The following ELL2 variants were observed in gnomAD, a reference collection of about 807,000 sequenced individuals.
ELL2 encodes RNA polymerase II elongation factor ELL2.
A neutral mutation model predicts 72.8 loss-of-function variants in ELL2; 21 were observed. The ratio of observed to expected loss-of-function variants is 0.29; its 90% CI spans 0.20 to 0.42. ELL2 has a LOEUF of 0.42. Ranked by LOEUF, ELL2 falls within the 10% of genes least tolerant of loss-of-function variation. The pLI is 1.00. For missense variants in ELL2, 568 were observed against 772.8 expected (o/e 0.73, Z 3.14); for synonymous variants, 266 against 283.2 (o/e 0.94, Z 0.61).
intron 2 of ELL2, among the ~76,000 whole-genome samples, chr5:95,936,207 G>A (rs1344692115): frequency 2.0e-5 from 3 of 152,210 alleles, no homozygotes; most frequent in Non-Finnish European, 4.4e-5. Flanking sequence ...ATTTGTAAAT[G>A]TATTTGAAGG....
intron 3 of ELL2, among the ~76,000 whole-genome samples, chr5:95,914,245 T>C (rs1001457342): frequency 4.6e-5 from 7 of 152,172 alleles, no homozygotes; most frequent in African/African-American, 1.7e-4. Flanking sequence ...TTTATTTAAC[T>C]GTTAACTATT....
intron 8 of ELL2, among the ~76,000 whole-genome samples, chr5:95,896,118 C>T (rs1004415759): frequency 3.3e-5 from 5 of 152,268 alleles, no homozygotes; most frequent in East Asian, 1.9e-4. Flanking sequence ...GTCAGGTAGC[C>T]GACTGCTTTG....
intron 2 of ELL2, among the ~76,000 whole-genome samples, chr5:95,938,312 A>G (rs1157916222): frequency 1.3e-5 from 2 of 152,190 alleles, no homozygotes; most frequent in Non-Finnish European, 2.9e-5. Flanking sequence ...TTGGCTGGCT[A>G]TTCCTTGTTC....
chr5:95,954,094 C>T (rs1751524994), intron 1 of ELL2, among the ~76,000 whole-genome samples: 1 of 152,100 alleles, frequency 6.6e-6, no homozygotes, highest in Non-Finnish European at 1.5e-5. Flanking sequence ...AATTTCCATC[C>T]AAATAAAACA....
intron 1 of ELL2, among the ~76,000 whole-genome samples, chr5:95,950,904 GTATATATATATA>G (rs869036736): frequency 0.02 from 932 of 46,578 alleles, 25 homozygotes; most frequent in East Asian, 0.044. Context: ...GTATGTATGT[GTATATATATATA>G]TATATATATA....
chr5:95,956,509 G>A (rs922757918), intron 1 of ELL2, among the ~76,000 whole-genome samples: 9 of 152,228 alleles, frequency 5.9e-5, no homozygotes, highest in Non-Finnish European at 1.2e-4. Context: ...AGTGGTGGCA[G>A]TGCTGTGCTG....
chr5:95,900,648 C>T (rs1749098575), intron 7 of ELL2, 45 bp downstream of exon 7: 3 of 1,383,216 alleles, frequency 2.2e-6, no homozygotes, highest in African/African-American at 2.9e-5. Context: ...GATTAGAGGC[C>T]CCTAATATCT....
At chr5:95,921,723 T>C (rs1750096337) in intron 2 of ELL2, among the ~76,000 whole-genome samples, 1 of 152,196 alleles carries the variant, frequency 6.6e-6, no homozygotes, top group Non-Finnish European at 1.5e-5. Context: ...TCTGCTTTTG[T>C]TTCTCTGGGA....
At chr5:95,926,703 T>G (rs1750294024) in intron 2 of ELL2, among the ~76,000 whole-genome samples, 2 of 152,222 alleles carry the variant, frequency 1.3e-5, no homozygotes, top group Non-Finnish European at 2.9e-5. Context: ...ATTTCTCTTA[T>G]TTCTGTAGGA....
At chr5:95,941,202 CCCATT>C (rs1258820749) in intron 2 of ELL2, among the ~76,000 whole-genome samples, 1 of 152,128 alleles carries the variant, frequency 6.6e-6, no homozygotes, top group African/African-American at 2.4e-5. Flanking sequence ...AATTCAAACA[CCCATT>C]AAGATTTAAA....
At chr5:95,895,953 C>T (rs1748859070) in intron 8 of ELL2, among the ~76,000 whole-genome samples, 1 of 152,184 alleles carries the variant, frequency 6.6e-6, no homozygotes, top group South Asian at 2.1e-4. Flanking sequence ...CCATCTTAAC[C>T]CAAGGTCAGT....
chr5:95,895,500 T>C (rs1748831707), intron 9 of ELL2, 128 bp downstream of exon 9: 3 of 810,870 alleles, frequency 3.7e-6, no homozygotes, highest in Non-Finnish European at 6.0e-6. Flanking sequence ...AGCCTTTCAA[T>C]TGCAAGGGTG....
chr5:95,940,389 C>T (rs1750928066), intron 2 of ELL2, among the ~76,000 whole-genome samples: 2 of 152,158 alleles, frequency 1.3e-5, no homozygotes, highest in Admixed American at 1.3e-4. Flanking sequence ...AGCAAATATG[C>T]TTAAAAGCTA....
At chr5:95,922,755 TAC>T (rs1222319881) in intron 2 of ELL2, among the ~76,000 whole-genome samples, 3 of 152,170 alleles carry the variant, frequency 2.0e-5, no homozygotes, top group Non-Finnish European at 4.4e-5. Flanking sequence ...GGAAAAAAGC[TAC>T]AGATTTAAAA....
chr5:95,928,992 G>A (rs1227446214), intron 2 of ELL2, among the ~76,000 whole-genome samples: 1 of 152,022 alleles, frequency 6.6e-6, no homozygotes, highest in Non-Finnish European at 1.5e-5. Context: ...GCTGGGTGCC[G>A]GAACACGCTA....
chr5:95,951,318 G>A (rs1030498282), intron 1 of ELL2, among the ~76,000 whole-genome samples: 5 of 151,934 alleles, frequency 3.3e-5, no homozygotes, highest in African/African-American at 7.3e-5. Context: ...GCAGTAAGCC[G>A]AGATTGTGCC....
intron 2 of ELL2, among the ~76,000 whole-genome samples, chr5:95,939,997 T>C (rs1319058207): frequency 2.0e-5 from 3 of 152,206 alleles, no homozygotes; most frequent in African/African-American, 4.8e-5. Flanking sequence ...ACTGTGAGAA[T>C]TGGTTGATTC....
chr5:95,895,178 A>AG (rs1344108977), intron 9 of ELL2, among the ~76,000 whole-genome samples: 1 of 152,260 alleles, frequency 6.6e-6, no homozygotes, highest in Non-Finnish European at 1.5e-5. Context: ...CTAAAAATTA[A>AG]TTTGAGGGCA....
At chr5:95,896,966 T>G (rs187684649) in intron 8 of ELL2, among the ~76,000 whole-genome samples, 2 of 152,158 alleles carry the variant, frequency 1.3e-5, no homozygotes, top group Admixed American at 6.5e-5. Context: ...ACTCTGAACA[T>G]AGAGTTCTAC....
Sources: gnomAD v4.1 joint callset for allele counts (sites outside exome capture counted in the v4.1 genomes callset) on GRCh38, gnomAD v4.1.1 for gene constraint, MANE v1.5 for transcripts, NCBI Gene and HGNC (gene_info 2026-07-23, HGNC 2026-07-21) for gene names.